The following NEBL variants were observed in gnomAD, a reference collection of about 807,000 sequenced individuals.
The protein encoded by NEBL is LIM and SH3 protein 2.
Under a neutral mutation model 140.2 loss-of-function variants are expected in NEBL, and 122 were observed. That is an observed-to-expected ratio of 0.87 (90% CI 0.75 to 1.01). NEBL has a LOEUF of 1.01. NEBL is among the 50% of genes least tolerant of loss of function. The pLI is 0.00. For synonymous variants in NEBL, 436 were observed against 398.9 expected, an observed-to-expected ratio of 1.09 and a Z score of -1.11; for missense variants, 1,365 against 1,231.3, an observed-to-expected ratio of 1.11 and a Z score of -1.62.
intron 2 of NEBL, among the ~76,000 whole-genome samples, chr10:20,893,554 A>G (rs1433155743): frequency 6.6e-6 from 1 of 152,186 alleles, no homozygotes; most frequent in East Asian, 1.9e-4. Context: ...CTGATGCCCA[A>G]AGTGAAGCCA....
At chr10:21,212,847 C>T (rs954350031) in intron 3 of NEBL, among the ~76,000 whole-genome samples, 1 of 152,178 alleles carries the variant, frequency 6.6e-6, no homozygotes, top group African/African-American at 2.4e-5. Flanking sequence ...TACTTCAAAA[C>T]ATTCAGTCAG....
intron 26 of NEBL, among the ~76,000 whole-genome samples, chr10:20,801,520 A>G (rs973028686): frequency 1.3e-5 from 2 of 152,082 alleles, no homozygotes; most frequent in African/African-American, 2.4e-5. Flanking sequence ...TTCTAACCCT[A>G]TGCAATACTT....
intron 2 of NEBL, among the ~76,000 whole-genome samples, chr10:21,141,781 T>C (rs187838503): frequency 2.0e-5 from 3 of 152,352 alleles, no homozygotes; most frequent in Middle Eastern, 3.4e-3. Flanking sequence ...TTCCTCTGCC[T>C]TGAACCCAAA....
At chr10:21,163,034 G>T (rs373467309) in intron 2 of NEBL, among the ~76,000 whole-genome samples, 1 of 152,310 alleles carries the variant, frequency 6.6e-6, no homozygotes, top group East Asian at 1.9e-4. Context: ...AATCCTAAGA[G>T]ATAGAGTCTA....
chr10:21,075,714 G>T (rs1836035038), intron 2 of NEBL, among the ~76,000 whole-genome samples: 1 of 152,132 alleles, frequency 6.6e-6, no homozygotes, highest in Non-Finnish European at 1.5e-5. Flanking sequence ...TCTCAAGCTA[G>T]GGCATCAACC....
chr10:21,082,060 C>A (rs1253504364), intron 2 of NEBL, among the ~76,000 whole-genome samples: 1 of 152,106 alleles, frequency 6.6e-6, no homozygotes, highest in African/African-American at 2.4e-5. Context: ...GAACATAGCA[C>A]CCCTTTCATG....
chr10:21,183,370 C>T (rs1001968732), intron 3 of NEBL, among the ~76,000 whole-genome samples: 8 of 152,046 alleles, frequency 5.3e-5, no homozygotes, highest in Admixed American at 1.3e-4. Context: ...GAGCCGCAAC[C>T]ACAGGACAAG....
rs368060393 is a variant in NEBL, at chr10:21,262,440, A to G, written n.183-10612T>C. On this transcript the variant is annotated intron_variant and non_coding_transcript_variant, in intron 1 of 8. Transcript: ENST00000675702. ...GAATCTGGCCCCACGCCTGTTCCCT[A>G]TGGGGGTCTCTGAAGAGTGTCAGTC... Among the ~76,000 whole-genome samples, 5 of 152,312 alleles carry G rather than the reference A, an allele frequency of 3.3e-5. No individual in the cohort carries two copies. In the East Asian group the frequency reaches 5.8e-4, roughly 18 times the overall value.
At chr10:20,954,063 A>C (rs754642754) in intron 4 of NEBL, among the ~76,000 whole-genome samples, 2 of 151,556 alleles carry the variant, frequency 1.3e-5, no homozygotes, top group Non-Finnish European at 2.9e-5. Context: ...AACACCCTGG[A>C]TATAGAGAAA....
intron 2 of NEBL, among the ~76,000 whole-genome samples, chr10:21,077,578 G>A (rs558705532): frequency 1.3e-5 from 2 of 152,158 alleles, no homozygotes; most frequent in African/African-American, 4.8e-5. Flanking sequence ...CTGCACTCCA[G>A]CCTGGGCGAC....
At chr10:21,277,900 T>C (rs1842944342) in intron 1 of NEBL, among the ~76,000 whole-genome samples, 1 of 152,236 alleles carries the variant, frequency 6.6e-6, no homozygotes, top group East Asian at 1.9e-4. Context: ...CAAGTAGTCC[T>C]CCTACCTCTT....
At chr10:21,005,737 T>C (rs1179945631) in intron 3 of NEBL, among the ~76,000 whole-genome samples, 1 of 151,788 alleles carries the variant, frequency 6.6e-6, no homozygotes, top group African/African-American at 2.4e-5. Flanking sequence ...CTCAAAACAA[T>C]AATAATAATA....
chr10:20,994,172 G>C (rs569840996), intron 3 of NEBL, among the ~76,000 whole-genome samples: 1 of 152,178 alleles, frequency 6.6e-6, no homozygotes, highest in Non-Finnish European at 1.5e-5. Context: ...CTCACACTTT[G>C]AATTACGCTG....
chr10:21,044,540 C>T lies in NEBL; in HGVS notation c.165-24339G>A, dbSNP rs979996928. ...AATGCTGATTCATGCAGTGCTGTAGCCAAGTATTTAAATAGGAGAGGGGTG... is the reference window on the plus strand; with the variant it reads ...AATGCTGATTCATGCAGTGCTGTAGTCAAGTATTTAAATAGGAGAGGGGTG... On this transcript the variant is annotated intron_variant, in intron 2 of 6. Coordinates refer to the NEBL transcript ENST00000417816. Among the ~76,000 whole-genome samples the T allele has an allele frequency of 2.0e-5, 3 of 151,028 alleles. No individual in the cohort carries two copies. The South Asian group carries it at 6.3e-4, about 32-fold the overall frequency.
chr10:20,960,780 C>T (rs901979390), intron 4 of NEBL, among the ~76,000 whole-genome samples: 2 of 151,882 alleles, frequency 1.3e-5, no homozygotes, highest in African/African-American at 2.4e-5. Context: ...GAGTTTAAAA[C>T]CACCTGCTAA....
intron 22 of NEBL, 31 bp downstream of exon 22, chr10:20,815,594 G>A: frequency 6.8e-7 from 1 of 1,477,956 alleles, no homozygotes; most frequent in Non-Finnish European, 9.5e-7. Flanking sequence ...CACATCCTTT[G>A]TGATAGTCTA....
intron 2 of NEBL, chr10:21,069,826 T>C (rs1835734023): frequency 2.8e-6 from 1 of 362,096 alleles, no homozygotes; most frequent in Non-Finnish European, 5.5e-6. Flanking sequence ...TATCTAACTG[T>C]ATCTAATTAT....
At chr10:20,814,507 C>T (rs1838509084) in intron 22 of NEBL, among the ~76,000 whole-genome samples, 1 of 151,474 alleles carries the variant, frequency 6.6e-6, no homozygotes, top group African/African-American at 2.4e-5. Context: ...GAGGTTAAGA[C>T]AAGACAGCTG....
At chr10:20,999,927 T>G (rs1837821819) in intron 3 of NEBL, among the ~76,000 whole-genome samples, 2 of 152,070 alleles carry the variant, frequency 1.3e-5, no homozygotes, top group Non-Finnish European at 2.9e-5. Context: ...GATCATGTGA[T>G]GCAAACCGTA....
Sources: gnomAD v4.1 joint callset for allele counts (sites outside exome capture counted in the v4.1 genomes callset) on GRCh38, gnomAD v4.1.1 for gene constraint, MANE v1.5 for transcripts, NCBI Gene and HGNC (gene_info 2026-07-23, HGNC 2026-07-21) for gene names.